Variants in LAMC2 observed in about 807,000 individuals in gnomAD.
LAMC2 encodes laminin subunit gamma-2.
A neutral mutation model predicts 140.2 loss-of-function variants in LAMC2; 97 were observed. The observed-to-expected ratio is 0.69, with a 90% CI of 0.59 to 0.82. LAMC2 has a LOEUF of 0.82. Ranked by LOEUF, LAMC2 falls within the 40% of genes least tolerant of loss-of-function variation. LAMC2 has a pLI of 0.00. For missense variants in LAMC2, 1,402 were observed against 1,476.1 expected, an observed-to-expected ratio of 0.95 and a Z score of 0.82; for synonymous variants, 513 against 540.2, an observed-to-expected ratio of 0.95 and a Z score of 0.70.
At chr1:183,205,124 A>G (rs930858989) in intron 1 of LAMC2, among the ~76,000 whole-genome samples, 3 of 152,168 alleles carry the variant, frequency 2.0e-5, no homozygotes, top group South Asian at 2.1e-4. Context: ...TGCCCAGCCC[A>G]TGTTCTAAAT....
chr1:183,224,359 C>G (rs535725696), intron 7 of LAMC2, among the ~76,000 whole-genome samples: 51 of 152,288 alleles, frequency 3.3e-4, no homozygotes, highest in South Asian at 2.5e-3. Context: ...AAGGACCCAT[C>G]ATGTTGGGCC....
chr1:183,191,495 T>A (rs1658328490), intron 1 of LAMC2, among the ~76,000 whole-genome samples: 1 of 129,912 alleles, frequency 7.7e-6, no homozygotes, highest in African/African-American at 3.0e-5. Context: ...TCAAACTTAC[T>A]GACTTTTTTT....
intron 1 of LAMC2, among the ~76,000 whole-genome samples, chr1:183,194,276 T>G (rs657901): frequency 0.57 from 86,193 of 150,942 alleles, 25,309 homozygotes; most frequent in East Asian, 0.73. Flanking sequence ...AATCTGTAAG[T>G]AAGATGCTAT....
At chr1:183,198,851 T>C (rs933407292) in intron 1 of LAMC2, among the ~76,000 whole-genome samples, 1 of 152,192 alleles carries the variant, frequency 6.6e-6, no homozygotes, top group Non-Finnish European at 1.5e-5. Flanking sequence ...GTGGAAATAG[T>C]TCATCTGGTA....
chr1:183,246,770 TG>T (rs575712073), downstream of LAMC2, among the ~76,000 whole-genome samples: 106 of 152,362 alleles, frequency 7.0e-4, 1 homozygote, highest in African/African-American at 2.3e-3. Context: ...TTTAATGTTT[TG>T]CATGGTAATG....
rs140949383 is a variant in LAMC2 at position 183,228,542 on chromosome 1, C to A, written c.1637C>A (p.Ala546Asp). Residue 546 changes from alanine (A) to aspartate (D), a missense_variant, in exon 11 of 23, where the codon GCC becomes GAC. Physicochemically the swap from Ala to Asp is moderately radical, Grantham distance 126. Transcript: ENST00000264144. This position sits in a 1 kb window ranked among gnomAD's most constrained non-coding sequence, Gnocchi z 4.3. ...GRCLKCIHNT[A>D]GIYCDQCKAG... ...TGTTTGAAGTGTATCCACAACACAG[C>A]CGGCATCTACTGCGACCAGTGCAAA... is the stretch of plus-strand genomic sequence containing the variant. 4,734 of 1,613,936 alleles carry A rather than the reference C, an allele frequency of 2.9e-3. 7 individuals are homozygous for A. Among genetic ancestry groups the A allele is most frequent in the Non-Finnish European group, 3.6e-3 (4,206 of 1,180,008 alleles).
At chr1:183,206,490 T>C (rs1658888723) in intron 1 of LAMC2, among the ~76,000 whole-genome samples, 1 of 151,886 alleles carries the variant, frequency 6.6e-6, no homozygotes, top group Admixed American at 6.6e-5. Context: ...ACCAAAAATA[T>C]AAAAATTAGC....
intron 11 of LAMC2, among the ~76,000 whole-genome samples, chr1:183,230,065 A>G (rs1418682730): frequency 6.6e-6 from 1 of 152,252 alleles, no homozygotes; most frequent in African/African-American, 2.4e-5. Flanking sequence ...TATAAACACT[A>G]TAATTCTAGT....
intron 2 of LAMC2, among the ~76,000 whole-genome samples, chr1:183,211,481 TTA>T (rs2102202712): frequency 6.6e-6 from 1 of 152,306 alleles, no homozygotes; most frequent in East Asian, 1.9e-4. Flanking sequence ...AATTCTCTGT[TTA>T]TATGTTTTGT....
rs747693187 is a variant in LAMC2 at position 183,240,398 on chromosome 1, G to GAACCCAC, written c.3328+19_3328+25dup. 2.0e-5 allele frequency: 33 copies of GAACCCAC among 1,614,042 alleles called. No individual in the cohort carries two copies. Among genetic ancestry groups the GAACCCAC allele is most frequent in the South Asian group, 9.9e-5 (9 of 91,080 alleles). ...GGCCTCCTGCATCTGATGGGTATGT[G>GAACCCAC]AACCCACAACCCACAACCTTCCAGC... is the stretch of plus-strand genomic sequence containing the variant. On this transcript the variant is annotated splice_region_variant and intron_variant, in intron 22 of 22. Coordinates refer to ENST00000264144, the MANE Select transcript of LAMC2 (RefSeq NM_005562.3).
the LAMC2 span, among the ~76,000 whole-genome samples, chr1:183,258,693 C>T: frequency 6.6e-6 from 1 of 152,142 alleles, no homozygotes; most frequent in Non-Finnish European, 1.5e-5. Context: ...TAAACTGCTC[C>T]TAAGATCAGT....
intron 7 of LAMC2, among the ~76,000 whole-genome samples, chr1:183,225,218 A>C (rs1659589758): frequency 1.3e-5 from 2 of 152,186 alleles, no homozygotes; most frequent in African/African-American, 4.8e-5. Context: ...ATAACAAATA[A>C]ATGATTTTTT....
At chr1:183,212,213 C>T (rs543421628) in intron 2 of LAMC2, among the ~76,000 whole-genome samples, 1 of 152,138 alleles carries the variant, frequency 6.6e-6, no homozygotes, top group East Asian at 1.9e-4. Context: ...GTTTCTGATC[C>T]CCAAATCAGC....
At chr1:183,212,844 C>G (rs943071249) in intron 2 of LAMC2, among the ~76,000 whole-genome samples, 1 of 152,196 alleles carries the variant, frequency 6.6e-6, no homozygotes, top group Non-Finnish European at 1.5e-5. Flanking sequence ...CAGGTGTGCA[C>G]TCTGGGGACC....
At chr1:183,204,646 T>TTAAAA (rs143922518) in intron 1 of LAMC2, among the ~76,000 whole-genome samples, 18,915 of 151,496 alleles carry the variant, frequency 0.12, 1,143 homozygotes, top group East Asian at 0.23. Flanking sequence ...AAAATAAAAA[T>TTAAAA]TAAAATAAAA....
At chr1:183,246,489 T>C (rs1039766402), downstream of LAMC2, among the ~76,000 whole-genome samples, 1 of 152,250 alleles carries the variant, frequency 6.6e-6, no homozygotes, top group Non-Finnish European at 1.5e-5. Context: ...TGGTTAATTA[T>C]GCTGTTGGTA....
chr1:183,214,813 G>A (rs1235718247), intron 2 of LAMC2, among the ~76,000 whole-genome samples: 1 of 152,078 alleles, frequency 6.6e-6, no homozygotes, highest in East Asian at 1.9e-4. Context: ...TTGTTGCCCT[G>A]AGTTTTTCAT....
chr1:183,197,835 T>C (rs3118181), intron 1 of LAMC2, among the ~76,000 whole-genome samples: 76,858 of 151,964 alleles, frequency 0.51, 19,859 homozygotes, highest in East Asian at 0.73. Context: ...TGGATGAGAT[T>C]ACCCAAGGGA....
chr1:183,199,101 T>C (rs1042982172), intron 1 of LAMC2, among the ~76,000 whole-genome samples: 2 of 132,908 alleles, frequency 1.5e-5, no homozygotes, highest in Admixed American at 7.3e-5. Flanking sequence ...GCTTTTCTTT[T>C]TTTTTTTTTT....
Sources: allele counts gnomAD v4.1 joint callset (sites outside exome capture counted in the v4.1 genomes callset), GRCh38; gene constraint gnomAD v4.1.1; non-coding constraint Gnocchi (gnomAD v3.1); transcripts MANE v1.5; gene names NCBI Gene and HGNC (gene_info 2026-07-23, HGNC 2026-07-21).